Variants in SNAP91 observed in about 807,000 individuals in gnomAD.
The protein encoded by SNAP91 is synaptosome associated protein 91.
In SNAP91, 27 loss-of-function variants were observed where a neutral mutation model predicts 100.3. The ratio of observed to expected loss-of-function variants is 0.27; its 90% CI spans 0.20 to 0.37. SNAP91 has a LOEUF of 0.37. SNAP91 is among the 10% of genes least tolerant of loss of function. The probability of loss-of-function intolerance (pLI) is 1.00; values close to 1 mark genes in which losing one functional copy is unlikely to be tolerated. For missense variants in SNAP91, 986 were observed against 1,123.7 expected, an observed-to-expected ratio of 0.88 and a Z score of 1.75; for synonymous variants, 404 against 398.6, an observed-to-expected ratio of 1.01 and a Z score of -0.16.
chr6:83,656,167 A>G (rs1348530013), intron 7 of SNAP91, among the ~76,000 whole-genome samples: 2 of 152,222 alleles, frequency 1.3e-5, no homozygotes, highest in African/African-American at 4.8e-5. Flanking sequence ...GATTGGTGAC[A>G]AGGAGTTCTG....
chr6:83,610,316 G>A lies in SNAP91; in HGVS notation c.912+334C>T, dbSNP rs80112504. Among the ~76,000 whole-genome samples, 1,229 of 151,992 alleles carry A rather than the reference G, an allele frequency of 8.1e-3. 17 individuals carry two copies. The highest frequency in any genetic ancestry group is 0.028 in the African/African-American group (1,141 of 41,446). On this transcript the variant is annotated intron_variant, in intron 12 of 29. Transcript: ENST00000369694. ...TTCAGGCACATGGTACAACATGGCT[G>A]AACCTTGAAGATATGCTAAGTGAAA...
At chr6:83,662,568 T>C (rs948874580) in intron 3 of SNAP91, 146 bp from the exon 4 acceptor site, 7 of 368,624 alleles carry the variant, frequency 1.9e-5, no homozygotes, top group African/African-American at 1.5e-4. Context: ...GCTGAATTTC[T>C]CTGAGGGGAA....
intron 2 of SNAP91, among the ~76,000 whole-genome samples, chr6:83,669,065 C>T (rs943782474): frequency 2.0e-5 from 3 of 151,954 alleles, no homozygotes; most frequent in Non-Finnish European, 4.4e-5. Context: ...TTGAATATGT[C>T]ATGTAATTTA....
intron 2 of SNAP91, among the ~76,000 whole-genome samples, chr6:83,685,116 C>T (rs760486684): frequency 1.3e-5 from 2 of 152,106 alleles, no homozygotes; most frequent in Non-Finnish European, 2.9e-5. Flanking sequence ...GATTGGATAC[C>T]ACAGTCCCAG....
rs185172156 is a variant in SNAP91, at chr6:83,588,899, G to A, written c.2014+2312C>T. On this transcript the variant is annotated intron_variant, in intron 22 of 29. Transcript: ENST00000369694. Reference sequence around the variant, plus strand: ...TGGAGGTGGTCAACAGTGGCTGACCGCTCTGCCAGGCTACTGTCTGGTAGG... The same window carrying A: ...TGGAGGTGGTCAACAGTGGCTGACCACTCTGCCAGGCTACTGTCTGGTAGG... 3.1e-3 allele frequency among the ~76,000 whole-genome samples: 468 copies of A among 152,192 alleles called. 3 individuals carry two copies. Among genetic ancestry groups the A allele is most frequent in the African/African-American group, 0.011 (442 of 41,518 alleles).
At chr6:83,611,650 T>A (rs1004963321) in intron 11 of SNAP91, among the ~76,000 whole-genome samples, 7 of 152,012 alleles carry the variant, frequency 4.6e-5, no homozygotes, top group African/African-American at 1.7e-4. Context: ...TGAATTTTTG[T>A]CTTATTGGAT....
chr6:83,630,498 A>G (rs2097162468), intron 8 of SNAP91, among the ~76,000 whole-genome samples: 2 of 151,874 alleles, frequency 1.3e-5, no homozygotes, highest in African/African-American at 4.8e-5. Flanking sequence ...TTTGTTGGTA[A>G]TTTAAAAATT....
At chr6:83,566,466 C>CTAAGAATTAATAAAGATAAAATAA (rs1796755913) in intron 26 of SNAP91, among the ~76,000 whole-genome samples, 2 of 152,066 alleles carry the variant, frequency 1.3e-5, no homozygotes, top group African/African-American at 4.8e-5. Flanking sequence ...AGGCTATTTA[C>CTAAGAATTAATAAAGATAAAATAA]CAGACCTGAA....
intron 8 of SNAP91, among the ~76,000 whole-genome samples, chr6:83,632,155 T>G (rs1188400801): frequency 6.6e-6 from 1 of 152,142 alleles, no homozygotes; most frequent in Non-Finnish European, 1.5e-5. Flanking sequence ...TTGTTTTATT[T>G]GAGGAGGCTG....
Position 83,682,051 on chromosome 6 carries a change from T to C in SNAP91, c.131-16470A>G, listed in dbSNP as rs2098996301. On this transcript the variant is annotated intron_variant, in intron 2 of 29. Transcript: ENST00000369694. Reference sequence around the variant, plus strand: ...ATTTGGTGACATGATGGTCCACTGTTTTCTCTCTCCAATCCTGGAGAAAAA... The same window carrying C: ...ATTTGGTGACATGATGGTCCACTGTCTTCTCTCTCCAATCCTGGAGAAAAA... Among the ~76,000 whole-genome samples the C allele has an allele frequency of 2.0e-5, 3 of 152,028 alleles. No homozygotes were observed. In the South Asian group the frequency reaches 6.2e-4, roughly 32 times the overall value.
At chr6:83,569,177 G>C (rs1482741214) in intron 26 of SNAP91, among the ~76,000 whole-genome samples, 1 of 152,144 alleles carries the variant, frequency 6.6e-6, no homozygotes. Context: ...GGTGTAAAAT[G>C]CTAAGTAAAA....
At chr6:83,702,322 T>C (rs2099324287) in intron 2 of SNAP91, among the ~76,000 whole-genome samples, 1 of 152,142 alleles carries the variant, frequency 6.6e-6, no homozygotes, top group African/African-American at 2.4e-5. Context: ...TCTGACCTTC[T>C]TTACCAAGAT....
intron 2 of SNAP91, among the ~76,000 whole-genome samples, chr6:83,701,609 G>T (rs488311): frequency 0.076 from 11,533 of 152,058 alleles, 535 homozygotes; most frequent in South Asian, 0.13. Flanking sequence ...ACCACACCTG[G>T]CTAACTTTTT....
At chr6:83,558,880 A>C (rs1782858488) in intron 28 of SNAP91, among the ~76,000 whole-genome samples, 1 of 152,188 alleles carries the variant, frequency 6.6e-6, no homozygotes, top group Admixed American at 6.5e-5. Flanking sequence ...CACCTTGGCC[A>C]GACAATTTAA....
intron 24 of SNAP91, 102 bp from the exon 25 acceptor site, chr6:83,576,155 T>G: frequency 1.7e-6 from 1 of 595,346 alleles, no homozygotes; most frequent in Non-Finnish European, 2.8e-6. Flanking sequence ...AAAAAGTCCT[T>G]ATTTTGCCTA....
intron 2 of SNAP91, among the ~76,000 whole-genome samples, chr6:83,696,069 C>G (rs1047656359): frequency 6.6e-6 from 1 of 151,962 alleles, no homozygotes; most frequent in Non-Finnish European, 1.5e-5. Context: ...CATGCTCACT[C>G]AAGGGTAGCC....
chr6:83,698,884 A>T (rs2099256648), intron 2 of SNAP91, among the ~76,000 whole-genome samples: 1 of 152,236 alleles, frequency 6.6e-6, no homozygotes, highest in African/African-American at 2.4e-5. Flanking sequence ...ATAGCTTAAC[A>T]TATGACTCAT....
At chr6:83,598,157 T>TAAAAA in intron 16 of SNAP91, among the ~76,000 whole-genome samples, 1 of 152,336 alleles carries the variant, frequency 6.6e-6, no homozygotes, top group East Asian at 1.9e-4. Flanking sequence ...TTTGCATCAG[T>TAAAAA]ATAAAAATAG....
chr6:83,575,608 G>A (rs926154703), intron 25 of SNAP91: 5 of 202,752 alleles, frequency 2.5e-5, no homozygotes, highest in Non-Finnish European at 3.9e-5. Context: ...CAATTTCAAC[G>A]ACAAAATATA....
Sources: allele counts gnomAD v4.1 joint callset (sites outside exome capture counted in the v4.1 genomes callset), GRCh38; gene constraint gnomAD v4.1.1; transcripts MANE v1.5; gene names NCBI Gene and HGNC (gene_info 2026-07-23, HGNC 2026-07-21).